CENPW: variants seen among roughly 807,000 people sequenced by gnomAD.
The protein encoded by CENPW is centromere protein W.
In CENPW, 3 loss-of-function variants were observed where a neutral mutation model predicts 11.1. The ratio of observed to expected loss-of-function variants is 0.27; its 90% CI spans 0.12 to 0.70. CENPW has a LOEUF of 0.70. Ranked by LOEUF, CENPW falls within the 30% of genes least tolerant of loss-of-function variation. The probability of loss-of-function intolerance (pLI) is 0.77; values close to 1 mark genes in which losing one functional copy is unlikely to be tolerated. For synonymous variants in CENPW, 38 were observed against 42.0 expected, an observed-to-expected ratio of 0.91 and a Z score of 0.37; for missense variants, 100 against 105.6, an observed-to-expected ratio of 0.95 and a Z score of 0.23.
At chr6:126,481,652 C>T in the CENPW span, among the ~76,000 whole-genome samples, 2 of 152,054 alleles carry the variant, frequency 1.3e-5, no homozygotes, top group Non-Finnish European at 2.9e-5. Context: ...TCTTGAAGGT[C>T]CCACTCTTAA....
the CENPW span, among the ~76,000 whole-genome samples, chr6:126,417,696 C>A: frequency 2.6e-5 from 4 of 152,174 alleles, no homozygotes; most frequent in South Asian, 8.3e-4. Context: ...TCCCCAGTCA[C>A]TTGGAACAGT....
the CENPW span, among the ~76,000 whole-genome samples, chr6:126,407,478 T>C: frequency 6.6e-6 from 1 of 152,298 alleles, no homozygotes; most frequent in Middle Eastern, 3.4e-3. Flanking sequence ...TCAAATGGTA[T>C]TTCTACTTCT....
the CENPW span, among the ~76,000 whole-genome samples, chr6:126,473,247 A>T: frequency 6.6e-6 from 1 of 152,268 alleles, no homozygotes; most frequent in East Asian, 1.9e-4. Context: ...GTTTTGGTGG[A>T]TGTAAGTTTT....
chr6:126,371,779 G>A, the CENPW span, among the ~76,000 whole-genome samples: 20 of 152,126 alleles, frequency 1.3e-4, no homozygotes, highest in Admixed American at 3.3e-4. Flanking sequence ...TCCGTTCAGC[G>A]TTTCTATTTC....
the CENPW span, among the ~76,000 whole-genome samples, chr6:126,470,969 G>T: frequency 2.0e-5 from 3 of 152,314 alleles, no homozygotes; most frequent in Admixed American, 2.0e-4. Flanking sequence ...GGGTGGAAGG[G>T]ACTTGCCTTG....
At chr6:126,394,525 A>G in the CENPW span, among the ~76,000 whole-genome samples, 8 of 152,024 alleles carry the variant, frequency 5.3e-5, no homozygotes, top group East Asian at 1.3e-3. Context: ...ATTTTTGATC[A>G]TTTAGTCTTT....
the CENPW span, among the ~76,000 whole-genome samples, chr6:126,412,141 C>T: frequency 1.4e-5 from 2 of 143,908 alleles, no homozygotes; most frequent in Non-Finnish European, 3.0e-5. Flanking sequence ...CATGCACCAT[C>T]ATGCCTGGTT....
the CENPW span, among the ~76,000 whole-genome samples, chr6:126,410,065 T>C: frequency 6.6e-6 from 1 of 152,020 alleles, no homozygotes; most frequent in Non-Finnish European, 1.5e-5. Flanking sequence ...TGTCCTTTTC[T>C]TTTGTGTATC....
chr6:126,410,419 T>C, the CENPW span, among the ~76,000 whole-genome samples: 6 of 152,112 alleles, frequency 3.9e-5, no homozygotes, highest in Non-Finnish European at 5.9e-5. Flanking sequence ...CTTGCTGTTT[T>C]TAGAATTCTC....
At chr6:126,386,818 A>T in the CENPW span, among the ~76,000 whole-genome samples, 2 of 151,998 alleles carry the variant, frequency 1.3e-5, no homozygotes, top group African/African-American at 4.8e-5. Context: ...ATTATAGTAA[A>T]TATATTTTAT....
chr6:126,341,880 T>C (rs1052211326), intron 1 of CENPW, among the ~76,000 whole-genome samples: 2 of 152,132 alleles, frequency 1.3e-5, no homozygotes, highest in Non-Finnish European at 2.9e-5. Context: ...AAAGAACCCA[T>C]GGACAGAGGG....
the CENPW span, among the ~76,000 whole-genome samples, chr6:126,380,004 C>T: frequency 6.6e-6 from 1 of 152,140 alleles, no homozygotes; most frequent in Non-Finnish European, 1.5e-5. Context: ...TTGAATCAAG[C>T]TTCATTACCA....
the CENPW span, among the ~76,000 whole-genome samples, chr6:126,382,040 C>T: frequency 6.6e-6 from 1 of 152,060 alleles, no homozygotes; most frequent in Non-Finnish European, 1.5e-5. Flanking sequence ...TTGAGACCAG[C>T]CTGACCAACA....
chr6:126,348,582 G>T lies in CENPW; in HGVS notation c.*90G>T. On this transcript the variant is annotated 3_prime_UTR_variant, in exon 3 of 3. Coordinates refer to ENST00000368328, the MANE Select transcript of CENPW (RefSeq NM_001012507.4). ...CATTTTTTACACATCAGTTAATATGGGATTATTAAATATTGGCTATAAGTG... is the reference window on the plus strand; with the variant it reads ...CATTTTTTACACATCAGTTAATATGTGATTATTAAATATTGGCTATAAGTG... 2.6e-6 allele frequency: 2 copies of T among 772,854 alleles called. No homozygotes were observed. Among genetic ancestry groups the T allele is most frequent in the Non-Finnish European group, 4.4e-6 (2 of 451,018 alleles). 47.9% of individuals were successfully genotyped at this position (772,854 alleles called of 1,614,324 possible).
At chr6:126,436,354 T>C in the CENPW span, among the ~76,000 whole-genome samples, 9 of 151,982 alleles carry the variant, frequency 5.9e-5, 1 homozygote, top group Admixed American at 2.0e-4. Context: ...GTTAGTGTTA[T>C]GCTACATGAT....
the CENPW span, among the ~76,000 whole-genome samples, chr6:126,436,174 C>T: frequency 6.6e-6 from 1 of 151,746 alleles, no homozygotes; most frequent in Non-Finnish European, 1.5e-5. Context: ...TTTCTCCCAC[C>T]AATTACATTT....
the CENPW span, among the ~76,000 whole-genome samples, chr6:126,446,345 A>T: frequency 2.2e-5 from 3 of 139,346 alleles, no homozygotes; most frequent in Non-Finnish European, 1.6e-5. Flanking sequence ...ACTTCAAATG[A>T]CCCCCTCCCT....
chr6:126,365,473 A>C, the CENPW span, among the ~76,000 whole-genome samples: 1 of 152,118 alleles, frequency 6.6e-6, no homozygotes, highest in Admixed American at 6.5e-5. Flanking sequence ...AGAGAGAGAG[A>C]AGGGGGAGAC....
the CENPW span, among the ~76,000 whole-genome samples, chr6:126,479,086 T>C: frequency 6.6e-6 from 1 of 152,070 alleles, no homozygotes; most frequent in African/African-American, 2.4e-5. Context: ...CTTCGGTTTA[T>C]GTGGCACATT....
Sources: gnomAD v4.1 joint callset for allele counts (sites outside exome capture counted in the v4.1 genomes callset) on GRCh38, gnomAD v4.1.1 for gene constraint, MANE v1.5 for transcripts, NCBI Gene and HGNC (gene_info 2026-07-23, HGNC 2026-07-21) for gene names.